BRINP1: variants seen among roughly 807,000 people sequenced by gnomAD.
The protein encoded by BRINP1 is BMP/retinoic acid inducible neural specific 1.
A neutral mutation model predicts 72.9 loss-of-function variants in BRINP1; 17 were observed. That is an observed-to-expected ratio of 0.23 (90% confidence interval 0.16 to 0.35). The LOEUF is 0.35. Ranked by LOEUF, BRINP1 falls within the 10% of genes least tolerant of loss-of-function variation. The pLI, the probability that BRINP1 is intolerant of heterozygous loss-of-function variation, is 1.00. For synonymous variants in BRINP1, 418 were observed against 378.5 expected (o/e 1.10, Z -1.21); for missense variants, 850 against 1,001.6 (o/e 0.85, Z 2.04).
chr9:119,322,232 G>A (rs1831196547), intron 1 of BRINP1, among the ~76,000 whole-genome samples: 1 of 152,176 alleles, frequency 6.6e-6, no homozygotes, highest in South Asian at 2.1e-4. Context: ...TTGTGAAAGA[G>A]AGGCTGGTTC....
rs1254746631 is a variant in BRINP1, at chr9:119,200,169, CTATG to C, written c.1145+8546_1145+8549del. 2.6e-5 allele frequency among the ~76,000 whole-genome samples: 4 copies of C among 152,262 alleles called. No homozygotes were observed. The East Asian group carries it at 7.7e-4, about 29-fold the overall frequency. On this transcript the variant is annotated intron_variant, in intron 7 of 7. Transcript: ENST00000265922. ...TGGCATATTCGGAGAAGCAAATAAT[CTATG>C]TGTGCATTCATTGAACAAGTTTTTT...
In BRINP1 at chr9:119,250,866, T is replaced by C. The variant is rs532100216; in HGVS notation, c.219-1716A>G. Among the ~76,000 whole-genome samples the C allele has an allele frequency of 4.6e-5, 7 of 152,174 alleles. No homozygotes were observed. The East Asian group carries it at 1.4e-3, about 30-fold the overall frequency. Reference sequence around the variant, plus strand: ...CTGTAAGGTCAGCTGAGATAAATGATGGGAACCAGAGTTTAATGAAAAGGT... The same window carrying C: ...CTGTAAGGTCAGCTGAGATAAATGACGGGAACCAGAGTTTAATGAAAAGGT... On this transcript the variant is annotated intron_variant, in intron 2 of 7. Coordinates refer to ENST00000265922, the MANE Select transcript of BRINP1 (RefSeq NM_014618.3).
chr9:119,241,987 C>T, intron 4 of BRINP1, 60 bp downstream of exon 4: 2 of 1,531,988 alleles, frequency 1.3e-6, no homozygotes, highest in South Asian at 2.4e-5. Context: ...TCTCAGAATG[C>T]CTGCATTGCA....
chr9:119,248,952 T>A lies in BRINP1; in HGVS notation c.409+8A>T, dbSNP rs774803257. ...GAGAAGGCTCTGGCCCAGTGGCTGC[T>A]GACCTACCTCCCAATGTGGCTGAGA... On this transcript the variant is annotated splice_region_variant and intron_variant, in intron 3 of 7. Transcript: ENST00000265922. 1.2e-6 allele frequency: 2 copies of A among 1,607,644 alleles called. No homozygotes were observed. Among genetic ancestry groups the A allele is most frequent in the South Asian group, 1.1e-5 (1 of 90,420 alleles).
chr9:119,347,955 C>T (rs1831466416), intron 1 of BRINP1, among the ~76,000 whole-genome samples: 2 of 152,144 alleles, frequency 1.3e-5, no homozygotes, highest in Non-Finnish European at 2.9e-5. Flanking sequence ...ATCCATGAAC[C>T]TACACCGATG....
chr9:119,291,610 A>G (rs1317437236), intron 2 of BRINP1, among the ~76,000 whole-genome samples: 3 of 152,224 alleles, frequency 2.0e-5, no homozygotes, highest in African/African-American at 2.4e-5. Context: ...CTTCCTGTAC[A>G]TAATAGATAC....
rs1244512062 is a variant in BRINP1 at position 119,167,003 on chromosome 9, G to T, written c.*81C>A. ...AATTACATTTTACAAATTTTTGTGG[G>T]TTTTTTTGTTTTGTTTTGCTTCATT... On this transcript the variant is annotated 3_prime_UTR_variant, in exon 8 of 8. Transcript: ENST00000265922. The surrounding 1 kb of genome is among the most constrained non-coding windows in gnomAD (Gnocchi z 4.3). 14 of 1,418,394 alleles carry T rather than the reference G, an allele frequency of 9.9e-6. No homozygotes were observed. The highest frequency in any genetic ancestry group is 1.5e-5 in the South Asian group (1 of 67,984). The allele number at this position is 1,418,394 out of a possible 1,614,324, so 87.9% of individuals were successfully genotyped here.
chr9:119,355,282 T>C (rs182625020), intron 1 of BRINP1, among the ~76,000 whole-genome samples: 1 of 152,330 alleles, frequency 6.6e-6, no homozygotes, highest in Admixed American at 6.5e-5. Flanking sequence ...AAATTGGTAA[T>C]TCACAAAAAT....
At chr9:119,366,694 T>C (rs1234564745) in intron 1 of BRINP1, among the ~76,000 whole-genome samples, 2 of 151,510 alleles carry the variant, frequency 1.3e-5, no homozygotes, top group African/African-American at 2.4e-5. Flanking sequence ...TTGGTAGGGG[T>C]CATGGTGGCA....
chr9:119,350,930 G>A (rs1831501967), intron 1 of BRINP1, among the ~76,000 whole-genome samples: 1 of 148,536 alleles, frequency 6.7e-6, no homozygotes, highest in African/African-American at 2.5e-5. Flanking sequence ...TTCAAGTTCT[G>A]GGATACATGT....
At chr9:119,170,150 A>G (rs1281166268) in intron 7 of BRINP1, among the ~76,000 whole-genome samples, 1 of 152,134 alleles carries the variant, frequency 6.6e-6, no homozygotes, top group Non-Finnish European at 1.5e-5. Context: ...TGACGAGCTG[A>G]GAGAAGAAGG....
chr9:119,191,150 A>G (rs569002870), intron 7 of BRINP1, among the ~76,000 whole-genome samples: 2 of 151,986 alleles, frequency 1.3e-5, no homozygotes, highest in Admixed American at 1.3e-4. Context: ...AATAAAGGGT[A>G]TTTATGAAAA....
chr9:119,183,121 A>G (rs1222334406), intron 7 of BRINP1, among the ~76,000 whole-genome samples: 2 of 152,236 alleles, frequency 1.3e-5, no homozygotes, highest in African/African-American at 2.4e-5. Context: ...GTATTAAAAT[A>G]GCCAGTAAGT....
chr9:119,355,356 G>A (rs767609979), intron 1 of BRINP1, among the ~76,000 whole-genome samples: 10 of 152,152 alleles, frequency 6.6e-5, no homozygotes, highest in African/African-American at 2.4e-5. Flanking sequence ...GGCATGTTGC[G>A]AAGTGCTTTG....
intron 2 of BRINP1, among the ~76,000 whole-genome samples, chr9:119,298,138 A>G (rs981065606): frequency 4.6e-5 from 7 of 152,248 alleles, no homozygotes; most frequent in African/African-American, 1.7e-4. Flanking sequence ...CTAAAGTGAT[A>G]GTCTGAAATC....
At chr9:119,356,569 G>C (rs1451504372) in intron 1 of BRINP1, among the ~76,000 whole-genome samples, 1 of 152,072 alleles carries the variant, frequency 6.6e-6, no homozygotes, top group African/African-American at 2.4e-5. Context: ...TTGGGAGGCC[G>C]AGATGGGTGG....
At chr9:119,292,483 A>C (rs2118974240) in intron 2 of BRINP1, among the ~76,000 whole-genome samples, 1 of 152,328 alleles carries the variant, frequency 6.6e-6, no homozygotes, top group African/African-American at 2.4e-5. Flanking sequence ...TAAATAGTAG[A>C]GTGGTTGGTA....
chr9:119,202,043 C>T (rs900825924), intron 7 of BRINP1, among the ~76,000 whole-genome samples: 3 of 152,116 alleles, frequency 2.0e-5, no homozygotes, highest in Non-Finnish European at 4.4e-5. Context: ...GTCACTTAAA[C>T]ACCTTGGATC....
rs762671290 is a variant in BRINP1 at position 119,208,817 on chromosome 9, C to T, written c.1047G>A (p.Thr349=). Reference sequence around the variant, plus strand: ...GTTGGATCTTTTGTCTCTGTGCCTCCGTGGCACTCTGCAGGAGCTTGTAGC... The same window carrying T: ...GTTGGATCTTTTGTCTCTGTGCCTCTGTGGCACTCTGCAGGAGCTTGTAGC... ...QNRYKLLQSA[T]EAQRQKIQRT... Residue 349 remains threonine (T), a synonymous_variant, in exon 7 of 8, where the codon ACG becomes ACA. Transcript: ENST00000265922. 4 of 1,614,156 alleles carry T rather than the reference C, an allele frequency of 2.5e-6. No homozygotes were observed. Among genetic ancestry groups the T allele is most frequent in the African/African-American group, 2.7e-5 (2 of 75,026 alleles).
Sources: allele counts gnomAD v4.1 joint callset (sites outside exome capture counted in the v4.1 genomes callset), GRCh38; gene constraint gnomAD v4.1.1; non-coding constraint Gnocchi (gnomAD v3.1); transcripts MANE v1.5; gene names NCBI Gene and HGNC (gene_info 2026-07-23, HGNC 2026-07-21).